TBC1D5: variants seen among roughly 807,000 people sequenced by gnomAD.
TBC1D5 encodes TBC1 domain family, member 5.
TBC1D5 carries 75 observed loss-of-function variants against 100.3 expected under a neutral mutation model. The ratio of observed to expected loss-of-function variants is 0.75; its 90% CI spans 0.62 to 0.91. TBC1D5 has a LOEUF of 0.91. Ranked by LOEUF, TBC1D5 falls within the 40% of genes least tolerant of loss-of-function variation. The probability of loss-of-function intolerance (pLI) is 0.00; values close to 1 mark genes in which losing one functional copy is unlikely to be tolerated. For missense variants in TBC1D5, 910 were observed against 942.4 expected, an observed-to-expected ratio of 0.97 and a Z score of 0.45; for synonymous variants, 323 against 325.6, an observed-to-expected ratio of 0.99 and a Z score of 0.09.
intron 15 of TBC1D5, among the ~76,000 whole-genome samples, chr3:17,281,085 G>A (rs1428456424): frequency 6.6e-6 from 1 of 152,172 alleles, no homozygotes; most frequent in Non-Finnish European, 1.5e-5. Flanking sequence ...GCTCCAGAGA[G>A]GGCACACCAG....
chr3:17,221,135 C>G (rs1178208011), intron 17 of TBC1D5, among the ~76,000 whole-genome samples: 1 of 151,982 alleles, frequency 6.6e-6, no homozygotes, highest in East Asian at 1.9e-4. Flanking sequence ...AGAATAATGC[C>G]TAAGCCTTTA....
intron 2 of TBC1D5, among the ~76,000 whole-genome samples, chr3:17,608,216 C>T (rs2061457075): frequency 6.6e-6 from 1 of 152,154 alleles, no homozygotes; most frequent in African/African-American, 2.4e-5. Flanking sequence ...GAGTTCTTGC[C>T]ACTGCACTCC....
At chr3:17,514,598 T>A in intron 2 of TBC1D5, among the ~76,000 whole-genome samples, 1 of 151,502 alleles carries the variant, frequency 6.6e-6, no homozygotes, top group Admixed American at 6.6e-5. Flanking sequence ...ACAATATACC[T>A]ACTGAGAAAT....
intron 2 of TBC1D5, among the ~76,000 whole-genome samples, chr3:17,570,705 T>C (rs2096621810): frequency 6.6e-6 from 1 of 151,978 alleles, no homozygotes; most frequent in Admixed American, 6.6e-5. Flanking sequence ...GTGAAAAAAA[T>C]TACATTATAC....
rs527825282 is a variant in TBC1D5 at position 17,403,301 on chromosome 3, T to C, written c.442-53A>G. 1.5e-5 allele frequency: 19 copies of C among 1,256,320 alleles called. No homozygotes were observed. In the East Asian group the frequency reaches 4.1e-4, roughly 27 times the overall value. The allele number at this position is 1,256,320 out of a possible 1,614,324, so 77.8% of individuals were successfully genotyped here. A position where few individuals can be genotyped will look rare whatever the true frequency, so the allele number is the denominator to read the frequency against. ...TAGTCTCACACCTTTGTTTTACTTT[T>C]AGTGATTTCAATTTAATAATGTAAA... is the stretch of plus-strand genomic sequence containing the variant. On this transcript the variant is annotated intron_variant, in intron 7 of 21. Transcript: ENST00000253692.
chr3:17,512,054 G>T (rs1347417814), intron 2 of TBC1D5, among the ~76,000 whole-genome samples: 1 of 151,814 alleles, frequency 6.6e-6, no homozygotes, highest in East Asian at 1.9e-4. Flanking sequence ...TAGCTCTCTT[G>T]AATCTAAAAA....
chr3:17,193,376 A>G (rs573835749), intron 18 of TBC1D5, among the ~76,000 whole-genome samples: 43 of 152,348 alleles, frequency 2.8e-4, no homozygotes, highest in Admixed American at 2.5e-3. Context: ...GACAAATTAC[A>G]TATCAACTTC....
intron 2 of TBC1D5, among the ~76,000 whole-genome samples, chr3:17,567,548 C>T (rs1271708205): frequency 1.3e-5 from 2 of 151,652 alleles, no homozygotes; most frequent in African/African-American, 4.8e-5. Flanking sequence ...ATTAACTTTC[C>T]TTCTCGATCC....
At chr3:17,220,098 A>G (rs2074110960) in intron 17 of TBC1D5, among the ~76,000 whole-genome samples, 1 of 152,174 alleles carries the variant, frequency 6.6e-6, no homozygotes, top group Non-Finnish European at 1.5e-5. Context: ...TGTTCCAAAC[A>G]AAAACATCAA....
chr3:17,285,320 G>T, intron 15 of TBC1D5, among the ~76,000 whole-genome samples: 1 of 141,908 alleles, frequency 7.0e-6, no homozygotes, highest in African/African-American at 2.6e-5. Flanking sequence ...GAGTGCAGTG[G>T]CGCGATCTCG....
At chr3:17,170,438 A>G (rs1377576878) in intron 19 of TBC1D5, among the ~76,000 whole-genome samples, 1 of 152,216 alleles carries the variant, frequency 6.6e-6, no homozygotes, top group Non-Finnish European at 1.5e-5. Context: ...CATAGGGCAG[A>G]GGCCAGCACA....
At chr3:17,520,865 C>G (rs916647349) in intron 2 of TBC1D5, among the ~76,000 whole-genome samples, 3 of 152,126 alleles carry the variant, frequency 2.0e-5, no homozygotes, top group Admixed American at 2.0e-4. Flanking sequence ...CAAGGAGACA[C>G]TGTAGGAGCT....
intron 1 of TBC1D5, among the ~76,000 whole-genome samples, chr3:17,651,652 A>T (rs1560378876): frequency 1.3e-5 from 2 of 152,088 alleles, no homozygotes; most frequent in Non-Finnish European, 2.9e-5. Flanking sequence ...GCAGTGAGCC[A>T]AGATTGCGCT....
chr3:17,741,620 T>G (rs577886091), upstream of TBC1D5, among the ~76,000 whole-genome samples: 14 of 152,116 alleles, frequency 9.2e-5, no homozygotes, highest in Admixed American at 2.6e-4. Context: ...CAGAAAGTTA[T>G]TATTCGAAAA....
Position 17,215,186 on chromosome 3 carries a change from T to C in TBC1D5, c.1589-816A>G, listed in dbSNP as rs145065961. On this transcript the variant is annotated intron_variant, in intron 17 of 21. Coordinates refer to ENST00000253692, the Ensembl canonical transcript of TBC1D5. ...TAAAAGGATTGCTCTGGCTGTTGTA[T>C]TGAGAACAGAATCAGAGATGGTCAA... Among the ~76,000 whole-genome samples the C allele has an allele frequency of 2.2e-4, 34 of 152,140 alleles. No individual in the cohort carries two copies. The East Asian group carries it at 6.2e-3, about 28-fold the overall frequency.
At chr3:17,220,693 T>G (rs542451299) in intron 17 of TBC1D5, among the ~76,000 whole-genome samples, 1 of 152,284 alleles carries the variant, frequency 6.6e-6, no homozygotes, top group Non-Finnish European at 1.5e-5. Flanking sequence ...AATTTTTCCT[T>G]TCATGAATTT....
chr3:17,368,486 A>G (rs2092293221), intron 13 of TBC1D5, among the ~76,000 whole-genome samples: 1 of 152,044 alleles, frequency 6.6e-6, no homozygotes, highest in Admixed American at 6.6e-5. Context: ...TGCAACTGTT[A>G]AAAATTTTGA....
At chr3:17,387,315 G>C (rs1481306740) in intron 8 of TBC1D5, among the ~76,000 whole-genome samples, 8 of 152,052 alleles carry the variant, frequency 5.3e-5, no homozygotes, top group Admixed American at 5.2e-4. Context: ...AGGTATCTGG[G>C]TAGTTAACAG....
At chr3:17,443,979 A>T (rs900086266) in intron 3 of TBC1D5, among the ~76,000 whole-genome samples, 2 of 149,018 alleles carry the variant, frequency 1.3e-5, no homozygotes, top group Non-Finnish European at 2.9e-5. Context: ...CAAAAACATT[A>T]TCAAAATCAC....
Sources: allele counts gnomAD v4.1 joint callset (sites outside exome capture counted in the v4.1 genomes callset), GRCh38; gene constraint gnomAD v4.1.1; transcripts MANE v1.5; gene names NCBI Gene and HGNC (gene_info 2026-07-23, HGNC 2026-07-21).